DYNC2H1: variants seen among roughly 807,000 people sequenced by gnomAD.
The protein encoded by DYNC2H1 is dynein cytoplasmic 2 heavy chain 1, also known as cytoplasmic dynein 2 heavy chain 1.
A neutral mutation model predicts 570.0 loss-of-function variants in DYNC2H1; 410 were observed. The observed-to-expected ratio is 0.72, with a 90% CI of 0.66 to 0.78. The LOEUF (loss-of-function observed/expected upper bound fraction) is 0.78. Among genes scored for constraint, DYNC2H1 ranks in the 30% least tolerant of loss-of-function variants. The pLI, the probability that DYNC2H1 is intolerant of heterozygous loss-of-function variation, is 0.00. For synonymous variants in DYNC2H1, 1,688 were observed against 1,677.6 expected (o/e 1.01, Z -0.15); for missense variants, 4,865 against 5,046.4 (o/e 0.96, Z 1.09).
In DYNC2H1 at chr11:103,319,289, T is replaced by G. The variant is rs955627878; in HGVS notation, c.11726-1740T>G. Among the ~76,000 whole-genome samples the G allele has an allele frequency of 1.3e-5, 2 of 152,146 alleles. No homozygotes were observed. ...GAGTAAAAATCTGTTAAATCTTGAT[T>G]ACAGAATTTTCTGACATGAAGGAAC... is the stretch of plus-strand genomic sequence containing the variant. On this transcript the variant is annotated intron_variant, in intron 80 of 88. Transcript: ENST00000375735. The surrounding 1 kb of genome is among the most constrained non-coding windows in gnomAD (Gnocchi z 4.3).
chr11:103,412,537 G>A (rs937295092), intron 84 of DYNC2H1, among the ~76,000 whole-genome samples: 5 of 151,986 alleles, frequency 3.3e-5, no homozygotes, highest in African/African-American at 1.2e-4. Context: ...AAATTAATAG[G>A]TTGTATTGAT....
At chr11:103,362,973 G>A (rs545587158) in intron 83 of DYNC2H1, among the ~76,000 whole-genome samples, 2 of 152,228 alleles carry the variant, frequency 1.3e-5, no homozygotes, top group South Asian at 4.1e-4. Flanking sequence ...AGAGGTTGCA[G>A]TGAGCCAAGA....
At chr11:103,262,514 C>T (rs1354000588) in intron 70 of DYNC2H1, among the ~76,000 whole-genome samples, 2 of 152,092 alleles carry the variant, frequency 1.3e-5, no homozygotes, top group African/African-American at 4.8e-5. Context: ...CTGCAGAAAC[C>T]CTACAAGCCA....
At chr11:103,176,159 A>C in intron 36 of DYNC2H1, 76 bp from the exon 37 acceptor site, 1 of 1,130,494 alleles carries the variant, frequency 8.8e-7, no homozygotes, top group Non-Finnish European at 1.2e-6. Context: ...ATGCATATCA[A>C]GGCTATAGAA....
Position 103,259,834 on chromosome 11 carries a change from G to A in DYNC2H1, c.10606-54G>A, listed in dbSNP as rs193224910. ...GAATCTGGAGGAACAATTTATAGGC[G>A]TACTTTTTAAATGTTTATAAATTTC... On this transcript the variant is annotated intron_variant, in intron 69 of 88. Transcript: ENST00000375735. 4.7e-4 allele frequency: 579 copies of A among 1,220,570 alleles called. 1 individual carries two copies. Among genetic ancestry groups the A allele is most frequent in the Admixed American group, 1.1e-3 (44 of 39,628 alleles). 75.6% of individuals were successfully genotyped at this position (1,220,570 alleles called of 1,614,324 possible). A position where few individuals can be genotyped will look rare whatever the true frequency, so the allele number is the denominator to read the frequency against.
chr11:103,259,921 C>T lies in DYNC2H1; in HGVS notation c.10639C>T (p.Leu3547Phe). 6.5e-7 allele frequency: 1 copy of T among 1,548,046 alleles called. No individual in the cohort carries two copies. Among genetic ancestry groups the T allele is most frequent in the South Asian group, 1.2e-5 (1 of 80,712 alleles). ...AAATACAGAACAGAGAATCCAGTCA[C>T]TTATCAGCTCATTACAACATATGGT... is the stretch of plus-strand genomic sequence containing the variant. ...SENTEQRIQS[L>F]ISSLQHMVYE... The change falls in exon 70 of 89, where the codon CTT becomes TTT. Residue 3547 changes from leucine (L) to phenylalanine (F), a missense_variant. Leu to Phe is a conservative substitution (Grantham distance 22). Around this residue, in one of 5 missense-constraint regions of DYNC2H1, gnomAD observed 2,401 missense variants for 2,454.6 expected, o/e 0.98. Transcript: ENST00000375735.
At chr11:103,220,825 A>G (rs767239777) in intron 57 of DYNC2H1, 42 bp downstream of exon 57, 218 of 1,546,956 alleles carry the variant, frequency 1.4e-4, no homozygotes, top group Non-Finnish European at 2.1e-5. Context: ...TCGGCAATGA[A>G]TGACACATTC....
In DYNC2H1 at chr11:103,435,372, C is replaced by T. The variant is rs562656646; in HGVS notation, c.12367-571C>T. On this transcript the variant is annotated intron_variant, in intron 84 of 88. Transcript: ENST00000375735. Reference sequence around the variant, plus strand: ...GTATATTATAATGAACATGACCTTACAAGAATACTTGTGAAGAGTCTGCAT... The same window carrying T: ...GTATATTATAATGAACATGACCTTATAAGAATACTTGTGAAGAGTCTGCAT... Among the ~76,000 whole-genome samples, 124 of 152,214 alleles carry T rather than the reference C, an allele frequency of 8.1e-4. 1 individual carries two copies. The highest frequency in any genetic ancestry group is 2.7e-3 in the African/African-American group (113 of 41,548).
rs1344261137 is a variant in DYNC2H1 at position 103,244,117 on chromosome 11, A to G, written c.9918+326A>G. 6.6e-6 allele frequency among the ~76,000 whole-genome samples: 1 copy of G among 152,104 alleles called. No individual in the cohort carries two copies. Among genetic ancestry groups the G allele is most frequent in the Admixed American group, 6.6e-5 (1 of 15,252 alleles). On this transcript the variant is annotated intron_variant, in intron 64 of 88. Coordinates refer to ENST00000375735, the MANE Select transcript of DYNC2H1 (RefSeq NM_001377.3). The surrounding 1 kb of genome is among the most constrained non-coding windows in gnomAD (Gnocchi z 4.3). The stretch of plus-strand genomic sequence containing the variant: ...ATGACACAAGTATAAGCTGCTGTAG[A>G]AGTAGGAGCTTTTAAGTTAGCTTGG...
intron 20 of DYNC2H1, 112 bp from the exon 21 acceptor site, chr11:103,152,024 A>G: frequency 1.7e-6 from 2 of 1,210,584 alleles, no homozygotes; most frequent in East Asian, 5.2e-5. Flanking sequence ...TAAATGCAAA[A>G]ATCTTAATTT....
Position 103,257,745 on chromosome 11 carries a change from C to G in DYNC2H1, c.10599C>G (p.Asn3533Lys), listed in dbSNP as rs531503684. ...GACTTTTCCAACGAGCTCTACAAAA[C>G]AAACAGGTAAGCTGTTGGATACCCT... ...FLRLFQRALQ[N>K]KQDSENTEQR... Residue 3533 changes from asparagine to lysine, a missense_variant, in exon 69 of 89, where the codon AAC becomes AAG. By Grantham distance (94) the Asn-to-Lys change is moderately conservative (BLOSUM62 0). This residue lies in a region of DYNC2H1 where 2,401 missense variants were observed against 2,454.6 expected (regional missense o/e 0.98). Transcript: ENST00000375735. The G allele has an allele frequency of 2.5e-6, 4 of 1,590,788 alleles. No individual in the cohort carries two copies. In the South Asian group the frequency reaches 4.6e-5, roughly 18 times the overall value.
At chr11:103,389,151 A>G (rs2512137) in intron 83 of DYNC2H1, among the ~76,000 whole-genome samples, 102,114 of 152,010 alleles carry the variant, frequency 0.67, 34,434 homozygotes, top group Admixed American at 0.73. Context: ...TTTGGTTGGC[A>G]AGCTATGAAC....
chr11:103,412,447 C>T (rs577481641), intron 84 of DYNC2H1, among the ~76,000 whole-genome samples: 4 of 152,172 alleles, frequency 2.6e-5, no homozygotes, highest in East Asian at 1.9e-4. Context: ...TTAAAATATA[C>T]AGCAAAAATT....
chr11:103,312,547 A>C (rs1459675363), intron 79 of DYNC2H1, among the ~76,000 whole-genome samples: 1 of 125,414 alleles, frequency 8.0e-6, no homozygotes, highest in African/African-American at 3.0e-5. Context: ...GCCTCAAAAA[A>C]AAAAAAAAAA....
intron 63 of DYNC2H1, among the ~76,000 whole-genome samples, chr11:103,240,119 A>T (rs970501939): frequency 6.6e-6 from 1 of 152,150 alleles, no homozygotes; most frequent in South Asian, 2.1e-4. Context: ...GAGATGTCTA[A>T]AAGGTTGGGG....
rs775309436 is a variant in DYNC2H1 at position 103,152,221 on chromosome 11, T to G, written c.3032T>G (p.Leu1011Trp). The change falls in exon 21 of 89, where the codon TTG becomes TGG. Residue 1011 changes from leucine (L) to tryptophan (W), a missense_variant. Around this residue, in one of 5 missense-constraint regions of DYNC2H1, gnomAD observed 1,936 missense variants for 1,962.1 expected, o/e 0.99. Coordinates refer to ENST00000375735, the MANE Select transcript of DYNC2H1 (RefSeq NM_001377.3). ...AGGGLETISN[L>W]KAKWDKFELM... is the part of the protein sequence containing the mutation. ...GGAGGTTTAGAAACAATTAGTAATT[T>G]GAAAGCCAAGTGGGATAAATTTGAG... 6.2e-7 allele frequency: 1 copy of G among 1,609,936 alleles called. No individual in the cohort carries two copies. The highest frequency in any genetic ancestry group is 8.5e-7 in the Non-Finnish European group (1 of 1,178,512).
intron 84 of DYNC2H1, among the ~76,000 whole-genome samples, chr11:103,419,027 G>T (rs768983298): frequency 1.1e-4 from 17 of 152,174 alleles, no homozygotes; most frequent in Admixed American, 2.6e-4. Context: ...AATTCAGGGA[G>T]CCAAGCAGCG....
chr11:103,396,495 C>A (rs1469312956), intron 83 of DYNC2H1, among the ~76,000 whole-genome samples: 2 of 152,298 alleles, frequency 1.3e-5, no homozygotes, highest in East Asian at 3.9e-4. Flanking sequence ...CTCTGGTCTA[C>A]CCATTGCTTG....
chr11:103,402,409 T>C (rs544207127), intron 84 of DYNC2H1: 1 of 152,170 alleles, frequency 6.6e-6, no homozygotes, highest in African/African-American at 2.4e-5. Context: ...TTGGATAATA[T>C]CACGTCATCA....
Sources: gnomAD v4.1 joint callset for allele counts (sites outside exome capture counted in the v4.1 genomes callset) on GRCh38, gnomAD v4.1.1 for gene constraint, gnomAD v4.1.1 regional missense constraint, Gnocchi (gnomAD v3.1) non-coding constraint, MANE v1.5 for transcripts, NCBI Gene and HGNC (gene_info 2026-07-23, HGNC 2026-07-21) for gene names.